The following TBCK variants were observed in gnomAD, a reference collection of about 807,000 sequenced individuals.
TBCK encodes the protein TBC1 domain containing kinase.
Under a neutral mutation model 113.4 loss-of-function variants are expected in TBCK, and 99 were observed. The observed-to-expected ratio is 0.87, with a 90% CI of 0.74 to 1.03. The LOEUF is 1.03. TBCK is among the 50% of genes least tolerant of loss of function. The pLI is 0.00. For missense variants in TBCK, 1,045 were observed against 1,061.3 expected (o/e 0.98, Z 0.21); for synonymous variants, 369 against 370.8 (o/e 1.00, Z 0.05).
At chr4:106,164,089 T>G (rs1002257716) in intron 23 of TBCK, among the ~76,000 whole-genome samples, 19 of 152,234 alleles carry the variant, frequency 1.2e-4, no homozygotes, top group African/African-American at 4.6e-4. Flanking sequence ...TGTCTTCTAC[T>G]TAACTTCTAG....
intron 19 of TBCK, among the ~76,000 whole-genome samples, chr4:106,225,049 G>A (rs927496966): frequency 2.0e-5 from 3 of 152,116 alleles, no homozygotes; most frequent in African/African-American, 7.2e-5. Context: ...AGTCCTTTGG[G>A]AAAGGAATAA....
intron 22 of TBCK, among the ~76,000 whole-genome samples, chr4:106,183,521 C>T (rs1355224964): frequency 1.3e-5 from 2 of 152,018 alleles, no homozygotes; most frequent in African/African-American, 4.8e-5. Flanking sequence ...CTCCATCCTA[C>T]TACAGAGCTA....
At chr4:106,278,324 G>A (rs897187098) in intron 3 of TBCK, among the ~76,000 whole-genome samples, 1 of 152,042 alleles carries the variant, frequency 6.6e-6, no homozygotes, top group Non-Finnish European at 1.5e-5. Context: ...TCGGGAGGCC[G>A]AGGCAGGTGG....
intron 25 of TBCK, among the ~76,000 whole-genome samples, chr4:106,048,171 G>A (rs1734424525): frequency 6.6e-6 from 1 of 151,992 alleles, no homozygotes; most frequent in South Asian, 2.1e-4. Flanking sequence ...GTGGCCCATG[G>A]ACAATTTTTT....
chr4:106,104,021 C>T, intron 24 of TBCK, among the ~76,000 whole-genome samples: 1 of 152,208 alleles, frequency 6.6e-6, no homozygotes, highest in East Asian at 1.9e-4. Flanking sequence ...GAACCCACTC[C>T]ACCAGGGCCT....
intron 23 of TBCK, among the ~76,000 whole-genome samples, chr4:106,152,733 T>G (rs1748644660): frequency 6.6e-6 from 1 of 152,098 alleles, no homozygotes; most frequent in South Asian, 2.1e-4. Context: ...CTGGTAGAAT[T>G]TTTATTATGG....
chr4:106,193,584 T>C (rs770340091), intron 22 of TBCK, 25 bp downstream of exon 22: 9 of 1,608,908 alleles, frequency 5.6e-6, no homozygotes, highest in Non-Finnish European at 6.8e-6. Context: ...TTTCATTTAA[T>C]GGCTCCATTT....
intron 23 of TBCK, among the ~76,000 whole-genome samples, chr4:106,135,820 T>C (rs1746490030): frequency 7.1e-6 from 1 of 141,586 alleles, no homozygotes; most frequent in Admixed American, 6.9e-5. Flanking sequence ...TCTCACTGAA[T>C]TGACCATCCA....
At chr4:106,120,730 T>C (rs960272007) in intron 23 of TBCK, among the ~76,000 whole-genome samples, 12 of 152,076 alleles carry the variant, frequency 7.9e-5, no homozygotes, top group African/African-American at 2.2e-4. Context: ...CGGCAGGGTA[T>C]TCTAACAGAC....
chr4:106,106,100 GA>G (rs1446134431), intron 24 of TBCK, among the ~76,000 whole-genome samples: 1 of 151,582 alleles, frequency 6.6e-6, no homozygotes, highest in Non-Finnish European at 1.5e-5. Context: ...AAAAAAAAAA[GA>G]ATAAAAAGGA....
At chr4:106,109,315 A>C (rs1742547582) in intron 24 of TBCK, among the ~76,000 whole-genome samples, 1 of 152,198 alleles carries the variant, frequency 6.6e-6, no homozygotes, top group Admixed American at 6.6e-5. Context: ...CCGAATATCC[A>C]AGACGATGCT....
At chr4:106,231,678 A>C in intron 18 of TBCK, 51 bp downstream of exon 18, 1 of 1,532,122 alleles carries the variant, frequency 6.5e-7, no homozygotes, top group Middle Eastern at 2.0e-4. Context: ...TGTGAATCAA[A>C]TATTTTAGAA....
intron 19 of TBCK, among the ~76,000 whole-genome samples, chr4:106,224,868 T>C (rs1758069808): frequency 6.6e-6 from 1 of 152,226 alleles, no homozygotes; most frequent in Non-Finnish European, 1.5e-5. Flanking sequence ...TCATCAAGTA[T>C]CTTCCTTTTA....
intron 5 of TBCK, among the ~76,000 whole-genome samples, chr4:106,258,885 A>G (rs1335660394): frequency 6.6e-6 from 1 of 151,914 alleles, no homozygotes; most frequent in East Asian, 1.9e-4. Context: ...TTTTTGAACA[A>G]ATAAGAAATT....
At chr4:106,306,234 T>A in intron 2 of TBCK, among the ~76,000 whole-genome samples, 1 of 138,852 alleles carries the variant, frequency 7.2e-6, no homozygotes, top group East Asian at 2.1e-4. Context: ...CATGCCTGGC[T>A]AATTTTTTTT....
At chr4:106,104,513 C>G (rs1301511548) in intron 24 of TBCK, among the ~76,000 whole-genome samples, 1 of 151,868 alleles carries the variant, frequency 6.6e-6, no homozygotes, top group African/African-American at 2.4e-5. Flanking sequence ...CCTGTTCCTC[C>G]TCACTGGGCA....
chr4:106,291,165 C>T (rs1765668489), intron 3 of TBCK, among the ~76,000 whole-genome samples: 1 of 152,150 alleles, frequency 6.6e-6, no homozygotes, highest in Non-Finnish European at 1.5e-5. Context: ...CAAAATGCAA[C>T]ATTTATTTTA....
chr4:106,175,994 G>A (rs1268693598), intron 22 of TBCK, among the ~76,000 whole-genome samples: 1 of 152,004 alleles, frequency 6.6e-6, no homozygotes, highest in Non-Finnish European at 1.5e-5. Context: ...AACAAAACAT[G>A]AAGATGGCTT....
chr4:106,107,657 C>T (rs1261378228), intron 24 of TBCK, among the ~76,000 whole-genome samples: 1 of 152,138 alleles, frequency 6.6e-6, no homozygotes, highest in Non-Finnish European at 1.5e-5. Flanking sequence ...AATACAATAT[C>T]ACCAAATGTC....
Sources: gnomAD v4.1 joint callset for allele counts (sites outside exome capture counted in the v4.1 genomes callset) on GRCh38, gnomAD v4.1.1 for gene constraint, MANE v1.5 for transcripts, NCBI Gene and HGNC (gene_info 2026-07-23, HGNC 2026-07-21) for gene names.